PARD3B: variants seen among roughly 807,000 people sequenced by gnomAD.
The protein encoded by PARD3B is par-3 family cell polarity regulator beta, also known as partitioning defective 3 homolog B.
PARD3B carries 103 observed loss-of-function variants against 130.2 expected under a neutral mutation model. The ratio of observed to expected loss-of-function variants is 0.79; its 90% CI spans 0.67 to 0.93. The LOEUF (loss-of-function observed/expected upper bound fraction) is 0.93, where lower values mean the gene tolerates loss of function less well. Among genes scored for constraint, PARD3B ranks in the 40% least tolerant of loss-of-function variants. PARD3B has a pLI of 0.00. For missense variants in PARD3B, 1,609 were observed against 1,499.2 expected, an observed-to-expected ratio of 1.07 and a Z score of -1.21; for synonymous variants, 583 against 553.2, an observed-to-expected ratio of 1.05 and a Z score of -0.76.
intron 1 of PARD3B, among the ~76,000 whole-genome samples, chr2:204,553,044 T>G (rs767348622): frequency 6.6e-6 from 1 of 151,748 alleles, no homozygotes; most frequent in Admixed American, 6.6e-5. Flanking sequence ...TACAATGAAC[T>G]CAAACAAATT....
At chr2:204,550,394 A>C (rs1246212992) in intron 1 of PARD3B, among the ~76,000 whole-genome samples, 1 of 146,452 alleles carries the variant, frequency 6.8e-6, no homozygotes, top group Non-Finnish European at 1.5e-5. Flanking sequence ...TGCGGAATGC[A>C]TGGATGCGGA....
chr2:205,240,567 G>T (rs553178197), intron 15 of PARD3B, among the ~76,000 whole-genome samples: 3 of 152,058 alleles, frequency 2.0e-5, no homozygotes, highest in Non-Finnish European at 2.9e-5. Flanking sequence ...TTCCCCATTC[G>T]TGATATAGTG....
intron 18 of PARD3B, among the ~76,000 whole-genome samples, chr2:205,338,851 G>T (rs1479202887): frequency 6.6e-6 from 1 of 152,104 alleles, no homozygotes; most frequent in African/African-American, 2.4e-5. Context: ...AGCTGAACCA[G>T]CATTATTTTA....
Position 205,368,845 on chromosome 2 carries a change from G to A in PARD3B, c.2631-32168G>A, listed in dbSNP as rs1168953871. Among the ~76,000 whole-genome samples, 3 of 120,504 alleles carry A rather than the reference G, an allele frequency of 2.5e-5. No individual in the cohort carries two copies. In the East Asian group the frequency reaches 7.4e-4, roughly 30 times the overall value. 79.1% of individuals were successfully genotyped at this position (120,504 alleles called of 152,430 possible). A position where few individuals can be genotyped will look rare whatever the true frequency, so the allele number is the denominator to read the frequency against. Reference sequence around the variant, plus strand: ...AATTATCTACCTGTTCTCAATTCAGGGGAGCTTGGGAAAACAAAAAAAAAA... The same window carrying A: ...AATTATCTACCTGTTCTCAATTCAGAGGAGCTTGGGAAAACAAAAAAAAAA... On this transcript the variant is annotated intron_variant, in intron 18 of 22. Coordinates refer to ENST00000406610, the MANE Select transcript of PARD3B (RefSeq NM_001302769.2).
Position 204,664,016 on chromosome 2 carries a change from A to G in PARD3B, c.121-22165A>G, listed in dbSNP as rs532015656. 6.6e-6 allele frequency among the ~76,000 whole-genome samples: 1 copy of G among 152,300 alleles called. No homozygotes were observed. The highest frequency in any genetic ancestry group is 2.1e-4 in the South Asian group (1 of 4,826). ...AAACTCTTTTCAGTATCCAAACATG[A>G]CAGTAAACTCATATTGTTCAAAGAA... is the stretch of plus-strand genomic sequence containing the variant. On this transcript the variant is annotated intron_variant, in intron 1 of 22. Transcript: ENST00000406610. The surrounding 1 kb of genome is among the most constrained non-coding windows in gnomAD (Gnocchi z 5.2).
Position 205,351,484 on chromosome 2 carries a change from G to A in PARD3B, c.2631-49529G>A, listed in dbSNP as rs183664103. Among the ~76,000 whole-genome samples the A allele has an allele frequency of 6.6e-4, 101 of 152,284 alleles. No individual in the cohort carries two copies. The East Asian group carries it at 0.018, about 27-fold the overall frequency. ...TTGCCAACTGCACCTGGTGCTGAGT[G>A]AGTGGTAGCATAAGCAATTTGGGCT... On this transcript the variant is annotated intron_variant, in intron 18 of 22. Coordinates refer to ENST00000406610, the MANE Select transcript of PARD3B (RefSeq NM_001302769.2). The surrounding 1 kb of genome is among the most constrained non-coding windows in gnomAD (Gnocchi z 4.2).
chr2:204,780,976 C>A (rs1013904965), intron 2 of PARD3B, among the ~76,000 whole-genome samples: 1 of 152,028 alleles, frequency 6.6e-6, no homozygotes, highest in Non-Finnish European at 1.5e-5. Flanking sequence ...AAATGGAAAT[C>A]TGTCATATTT....
At position 205,525,402 on chromosome 2, in the gene PARD3B, G is replaced by T. The variant is rs1239460614; in HGVS notation, c.3180+25371G>T. Among the ~76,000 whole-genome samples, 1 of 151,968 alleles carries T rather than the reference G, an allele frequency of 6.6e-6. No individual in the cohort carries two copies. Among genetic ancestry groups the T allele is most frequent in the East Asian group, 1.9e-4 (1 of 5,192 alleles). On this transcript the variant is annotated intron_variant, in intron 21 of 22. Transcript: ENST00000406610. This position sits in a 1 kb window ranked among gnomAD's most constrained non-coding sequence, Gnocchi z 4.2. ...AGGATTAAGAGGTTTTTTTGTTTTT[G>T]TTTTTACATTGAAGATGTAAAAAAT...
At chr2:205,157,958 C>T (rs1338753698) in intron 10 of PARD3B, among the ~76,000 whole-genome samples, 1 of 152,168 alleles carries the variant, frequency 6.6e-6, no homozygotes, top group Admixed American at 6.5e-5. Flanking sequence ...CTTTTTCCAC[C>T]ATACTCTGTG....
rs1574640533 is a variant in PARD3B at position 205,301,705 on chromosome 2, T to C, written c.2630+4T>C. On this transcript the variant is annotated splice_donor_region_variant and intron_variant, in intron 18 of 22. Transcript: ENST00000406610. This position sits in a 1 kb window ranked among gnomAD's most constrained non-coding sequence, Gnocchi z 5.2. ...AGGGCTTCGGCGCCATGCTGAGGTA[T>C]GGGCCTGCTTTGAAGGCAAAGTTGG... The C allele has an allele frequency of 2.5e-6, 4 of 1,613,986 alleles. No individual in the cohort carries two copies. Among genetic ancestry groups the C allele is most frequent in the Non-Finnish European group, 3.4e-6 (4 of 1,179,946 alleles).
At chr2:205,335,378 A>G (rs1170132463) in intron 18 of PARD3B, among the ~76,000 whole-genome samples, 2 of 152,134 alleles carry the variant, frequency 1.3e-5, no homozygotes, top group African/African-American at 4.8e-5. Context: ...GGAACTCACT[A>G]TGCTCGTTGT....
At chr2:204,828,407 A>G (rs2043675364) in intron 2 of PARD3B, among the ~76,000 whole-genome samples, 1 of 152,172 alleles carries the variant, frequency 6.6e-6, no homozygotes, top group African/African-American at 2.4e-5. Context: ...CTATGATCAC[A>G]GCCTCTGAGG....
In PARD3B at chr2:204,720,644, A is replaced by G. The variant is rs2038953164; in HGVS notation, c.222+34362A>G. 2.0e-5 allele frequency among the ~76,000 whole-genome samples: 3 copies of G among 152,164 alleles called. No individual in the cohort carries two copies. In the South Asian group the frequency reaches 6.2e-4, roughly 32 times the overall value. ...AAAAGGGAAAAGTTAAACTTGAAAA[A>G]AACATTGTCTACTTTTGATCAGACA... On this transcript the variant is annotated intron_variant, in intron 2 of 22. Coordinates refer to ENST00000406610, the MANE Select transcript of PARD3B (RefSeq NM_001302769.2).
intron 21 of PARD3B, among the ~76,000 whole-genome samples, chr2:205,524,425 TCAA>T (rs1028783645): frequency 4.0e-4 from 61 of 152,244 alleles, no homozygotes; most frequent in African/African-American, 1.4e-3. Flanking sequence ...GCCAAAACCC[TCAA>T]CAATACTTGG....
At chr2:204,699,248 TG>T (rs762607524) in intron 2 of PARD3B, among the ~76,000 whole-genome samples, 65 of 152,204 alleles carry the variant, frequency 4.3e-4, no homozygotes, top group Non-Finnish European at 6.8e-4. Flanking sequence ...TGGGGCAGAC[TG>T]GGGATATTTC....
intron 4 of PARD3B, among the ~76,000 whole-genome samples, chr2:205,072,362 T>C (rs1219784646): frequency 6.6e-6 from 1 of 151,924 alleles, no homozygotes; most frequent in East Asian, 1.9e-4. Flanking sequence ...GCGATTCTCC[T>C]GCCTCAGCCT....
intron 22 of PARD3B, among the ~76,000 whole-genome samples, chr2:205,609,355 CA>C (rs1289537216): frequency 6.6e-6 from 1 of 152,184 alleles, no homozygotes; most frequent in Admixed American, 6.5e-5. Flanking sequence ...GACCCCAGCT[CA>C]GCCACTAAAT....
At chr2:205,152,736 A>G (rs1364295662) in intron 10 of PARD3B, among the ~76,000 whole-genome samples, 1 of 151,930 alleles carries the variant, frequency 6.6e-6, no homozygotes, top group Non-Finnish European at 1.5e-5. Context: ...GTTATTACCG[A>G]TCTCCTGAAG....
intron 2 of PARD3B, among the ~76,000 whole-genome samples, chr2:204,806,865 A>G (rs1305672884): frequency 6.6e-6 from 1 of 152,198 alleles, no homozygotes. Flanking sequence ...AGACATACAA[A>G]TGGTAAACAG....
Sources: gnomAD v4.1 joint callset for allele counts (sites outside exome capture counted in the v4.1 genomes callset) on GRCh38, gnomAD v4.1.1 for gene constraint, Gnocchi (gnomAD v3.1) non-coding constraint, MANE v1.5 for transcripts, NCBI Gene and HGNC (gene_info 2026-07-23, HGNC 2026-07-21) for gene names.